LRRC4C: variants seen among roughly 807,000 people sequenced by gnomAD.
LRRC4C encodes leucine-rich repeat-containing protein 4C.
LRRC4C carries 5 observed loss-of-function variants against 33.6 expected under a neutral mutation model. The observed-to-expected ratio is 0.15, with a 90% CI of 0.08 to 0.31. The LOEUF is 0.31. Ranked by LOEUF, LRRC4C falls within the 10% of genes least tolerant of loss-of-function variation. The pLI, the probability that LRRC4C is intolerant of heterozygous loss-of-function variation, is 1.00. For missense variants in LRRC4C, 560 were observed against 796.7 expected (o/e 0.70, Z 3.58); for synonymous variants, 329 against 302.0 (o/e 1.09, Z -0.93).
chr11:40,852,800 A>G (rs148213508), intron 2 of LRRC4C, among the ~76,000 whole-genome samples: 1 of 152,352 alleles, frequency 6.6e-6, no homozygotes, highest in African/African-American at 2.4e-5. Context: ...AGGCAAAAAT[A>G]ATGAAGTCAA....
chr11:40,945,023 C>CTTTTTTTTT (rs767515626), intron 1 of LRRC4C, among the ~76,000 whole-genome samples: 25 of 111,090 alleles, frequency 2.3e-4, no homozygotes, highest in African/African-American at 3.6e-4. Flanking sequence ...TGCAGTTTTT[C>CTTTTTTTTT]TTTTTTTTTT....
chr11:40,708,144 A>C (rs952515030), intron 2 of LRRC4C, among the ~76,000 whole-genome samples: 4 of 151,980 alleles, frequency 2.6e-5, no homozygotes, highest in Non-Finnish European at 5.9e-5. Flanking sequence ...AATTTTGTTG[A>C]TCTTTTCAAA....
chr11:41,035,663 T>C (rs1489562885), intron 1 of LRRC4C, among the ~76,000 whole-genome samples: 1 of 152,148 alleles, frequency 6.6e-6, no homozygotes, highest in African/African-American at 2.4e-5. Context: ...ATAGACCAAT[T>C]ATCAAAATAA....
rs182031702 is a variant in LRRC4C at position 41,055,120 on chromosome 11, G to C, written c.-495-121397C>G. ...TTCTCTAGCCTCCCTTTTCCTCAGA[G>C]GTTATCATTATCCTGACTTATAATA... On this transcript the variant is annotated intron_variant, in intron 1 of 6. Coordinates refer to ENST00000528697, the MANE Select transcript of LRRC4C (RefSeq NM_001258419.2). 3.1e-4 allele frequency among the ~76,000 whole-genome samples: 47 copies of C among 152,070 alleles called. No homozygotes were observed. The East Asian group carries it at 8.9e-3, about 29-fold the overall frequency.
chr11:41,294,292 A>G (rs1195041981), intron 1 of LRRC4C, among the ~76,000 whole-genome samples: 1 of 152,186 alleles, frequency 6.6e-6, no homozygotes, highest in Non-Finnish European at 1.5e-5. Context: ...ACTCTGAAAA[A>G]TCCAGGTCAC....
At chr11:40,595,936 T>A (rs1959241759) in intron 3 of LRRC4C, among the ~76,000 whole-genome samples, 2 of 152,218 alleles carry the variant, frequency 1.3e-5, no homozygotes, top group African/African-American at 4.8e-5. Flanking sequence ...AAAACTAAGA[T>A]CTTTTGCAGC....
intron 2 of LRRC4C, among the ~76,000 whole-genome samples, chr11:40,692,116 A>G (rs969336793): frequency 5.9e-5 from 9 of 152,060 alleles, no homozygotes; most frequent in Non-Finnish European, 4.4e-5. Context: ...TAAACCAGAA[A>G]TGTGTATGAT....
At chr11:40,168,049 A>G (rs1859748703) in intron 5 of LRRC4C, among the ~76,000 whole-genome samples, 1 of 152,134 alleles carries the variant, frequency 6.6e-6, no homozygotes, top group Admixed American at 6.5e-5. Context: ...TCTCAAACAA[A>G]CAAACAAAAA....
intron 5 of LRRC4C, among the ~76,000 whole-genome samples, chr11:40,218,905 C>T (rs950786933): frequency 6.6e-6 from 1 of 152,098 alleles, no homozygotes; most frequent in East Asian, 1.9e-4. Flanking sequence ...GCATCCACTT[C>T]TGGATCTCTG....
intron 2 of LRRC4C, among the ~76,000 whole-genome samples, chr11:40,884,501 A>T (rs1025192880): frequency 6.6e-6 from 1 of 152,120 alleles, no homozygotes; most frequent in Non-Finnish European, 1.5e-5. Flanking sequence ...TGTCTTCCAC[A>T]ATGATTAAAC....
At chr11:40,129,117 C>T (rs752891800) in intron 6 of LRRC4C, among the ~76,000 whole-genome samples, 7 of 152,148 alleles carry the variant, frequency 4.6e-5, no homozygotes, top group African/African-American at 1.2e-4. Flanking sequence ...GAGTGCCCCA[C>T]GCAGACAGAA....
intron 5 of LRRC4C, among the ~76,000 whole-genome samples, chr11:40,166,819 T>C (rs1463827689): frequency 1.3e-5 from 2 of 152,166 alleles, no homozygotes; most frequent in Non-Finnish European, 2.9e-5. Flanking sequence ...GAGTGCATTA[T>C]ATACTGTATA....
intron 1 of LRRC4C, among the ~76,000 whole-genome samples, chr11:41,007,292 T>C (rs1318759061): frequency 6.6e-6 from 1 of 151,988 alleles, no homozygotes; most frequent in African/African-American, 2.4e-5. Context: ...GACATTGAAA[T>C]AGCTTAAAAC....
intron 2 of LRRC4C, among the ~76,000 whole-genome samples, chr11:40,752,314 T>C (rs1210554437): frequency 2.0e-5 from 3 of 152,002 alleles, no homozygotes; most frequent in Admixed American, 1.3e-4. Context: ...AGAGATAACC[T>C]ACAGAATGGA....
chr11:40,413,358 T>C (rs748510924), intron 3 of LRRC4C, among the ~76,000 whole-genome samples: 1 of 152,096 alleles, frequency 6.6e-6, no homozygotes, highest in African/African-American at 2.4e-5. Context: ...GATTGTTTTA[T>C]ATGGCTGCCC....
At chr11:40,230,173 T>C (rs914279388) in intron 5 of LRRC4C, among the ~76,000 whole-genome samples, 2 of 152,186 alleles carry the variant, frequency 1.3e-5, no homozygotes, top group Non-Finnish European at 2.9e-5. Context: ...TGGAGATATG[T>C]ATGAGGTTGT....
At position 41,154,011 on chromosome 11, in the gene LRRC4C, G is replaced by T. The variant is rs117939345; in HGVS notation, c.-495-220288C>A. Among the ~76,000 whole-genome samples, 627 of 152,276 alleles carry T rather than the reference G, an allele frequency of 4.1e-3. 3 individuals carry two copies. Among genetic ancestry groups the T allele is most frequent in the South Asian group, 0.034 (165 of 4,828 alleles). ...CGTAGACAGTTACCAGAAGATGCAC[G>T]CTGTAAGGAATATATTGTCACCTAG... On this transcript the variant is annotated intron_variant, in intron 1 of 6. Coordinates refer to ENST00000528697, the MANE Select transcript of LRRC4C (RefSeq NM_001258419.2).
chr11:40,508,925 C>A (rs887894058), intron 3 of LRRC4C, among the ~76,000 whole-genome samples: 5 of 150,910 alleles, frequency 3.3e-5, no homozygotes, highest in African/African-American at 9.9e-5. Flanking sequence ...TTTGACCTAT[C>A]AAATTGACAA....
At chr11:40,150,347 C>T (rs1175530651) in intron 5 of LRRC4C, among the ~76,000 whole-genome samples, 1 of 152,222 alleles carries the variant, frequency 6.6e-6, no homozygotes, top group Non-Finnish European at 1.5e-5. Flanking sequence ...ATCCAACATA[C>T]TTCAGAGAGC....
Sources: allele counts gnomAD v4.1 joint callset (sites outside exome capture counted in the v4.1 genomes callset), GRCh38; gene constraint gnomAD v4.1.1; transcripts MANE v1.5; gene names NCBI Gene and HGNC (gene_info 2026-07-23, HGNC 2026-07-21).